BRIP1: variants seen among roughly 807,000 people sequenced by gnomAD.
BRIP1 encodes the protein BRCA1 interacting DNA helicase 1.
In BRIP1, 88 loss-of-function variants were observed where a neutral mutation model predicts 119.7. That is an observed-to-expected ratio of 0.74 (90% CI 0.62 to 0.88). The LOEUF (loss-of-function observed/expected upper bound fraction) is 0.88, where lower values mean the gene tolerates loss of function less well. Among genes scored for constraint, BRIP1 ranks in the 40% least tolerant of loss-of-function variants. The pLI is 0.00. For missense variants in BRIP1, 1,259 were observed against 1,455.4 expected (o/e 0.87, Z 2.20); for synonymous variants, 443 against 496.5 (o/e 0.89, Z 1.43).
At position 61,693,577 on chromosome 17, in the gene BRIP1, G is replaced by T; in HGVS notation, c.2493-65C>A. On this transcript the variant is annotated intron_variant, in intron 17 of 19. Coordinates refer to ENST00000259008, the MANE Select transcript of BRIP1 (RefSeq NM_032043.3). The surrounding 1 kb of genome is among the most constrained non-coding windows in gnomAD (Gnocchi z 4.2). ...GGAAATAAATCCAGTTTTCCAGTGG[G>T]ACAGACAGAAAATTGGAAAAAAATC... 7.3e-7 allele frequency: 1 copy of T among 1,369,776 alleles called. No homozygotes were observed. The highest frequency in any genetic ancestry group is 1.0e-6 in the Non-Finnish European group (1 of 963,046). The allele number at this position is 1,369,776 out of a possible 1,614,324, so 84.9% of individuals were successfully genotyped here.
rs1042696940 is a variant in BRIP1 at position 61,842,324 on chromosome 17, A to G, written c.627+4777T>C. Among the ~76,000 whole-genome samples the G allele has an allele frequency of 6.6e-5, 10 of 152,284 alleles. No individual in the cohort carries two copies. Among genetic ancestry groups the G allele is most frequent in the African/African-American group, 2.4e-4 (10 of 41,570 alleles). On this transcript the variant is annotated intron_variant, in intron 6 of 19. Transcript: ENST00000259008. The surrounding 1 kb of genome is among the most constrained non-coding windows in gnomAD (Gnocchi z 5.1). ...TAAGGAGAGGTGGGTTTACAAATTCATAACTACAGCTAGATTGGAGAAACA... is the reference window on the plus strand; with the variant it reads ...TAAGGAGAGGTGGGTTTACAAATTCGTAACTACAGCTAGATTGGAGAAACA...
At position 61,810,387 on chromosome 17, in the gene BRIP1, T is replaced by C. The variant is rs1386626225; in HGVS notation, c.628-1630A>G. ...TTATATCATGATATTTCTGACTGAA[T>C]TCTTTTTGGCTTTTGCAATGATCAC... On this transcript the variant is annotated intron_variant, in intron 6 of 19. Coordinates refer to ENST00000259008, the MANE Select transcript of BRIP1 (RefSeq NM_032043.3). This position sits in a 1 kb window ranked among gnomAD's most constrained non-coding sequence, Gnocchi z 4.7. Among the ~76,000 whole-genome samples the C allele has an allele frequency of 6.6e-6, 1 of 152,220 alleles. No homozygotes were observed. The highest frequency in any genetic ancestry group is 1.9e-4 in the East Asian group (1 of 5,200).
rs2078212793 is a variant in BRIP1, at chr17:61,814,819, A to T, written c.628-6062T>A. Among the ~76,000 whole-genome samples, 1 of 152,076 alleles carries T rather than the reference A, an allele frequency of 6.6e-6. No homozygotes were observed. Among genetic ancestry groups the T allele is most frequent in the Non-Finnish European group, 1.5e-5 (1 of 67,952 alleles). ...AGAAAAACAAGCTACATGTATCAAC[A>T]GAAGGAATGGATGAGTAAATTGTGG... On this transcript the variant is annotated intron_variant, in intron 6 of 19. Coordinates refer to ENST00000259008, the MANE Select transcript of BRIP1 (RefSeq NM_032043.3). The surrounding 1 kb of genome is among the most constrained non-coding windows in gnomAD (Gnocchi z 4.9).
chr17:61,855,578 C>CA lies in BRIP1; in HGVS notation c.379+1479dup, dbSNP rs200850712. ...TGGGCAACAGAGTGAGATTCTGTCT[C>CA]AAAAAAAAAAAAAAAAAAAGTACCA... On this transcript the variant is annotated intron_variant, in intron 4 of 19. Coordinates refer to ENST00000259008, the MANE Select transcript of BRIP1 (RefSeq NM_032043.3). Among the ~76,000 whole-genome samples, 425 of 99,234 alleles carry CA rather than the reference C, an allele frequency of 4.3e-3. 1 individual carries two copies. The highest frequency in any genetic ancestry group is 0.013 in the African/African-American group (351 of 26,574). 65.1% of individuals were successfully genotyped at this position (99,234 alleles called of 152,430 possible). A position where few individuals can be genotyped will look rare whatever the true frequency, so the allele number is the denominator to read the frequency against.
chr17:61,683,273 C>A lies in BRIP1; in HGVS notation c.*23G>T, dbSNP rs917180196. On this transcript the variant is annotated 3_prime_UTR_variant, in exon 20 of 20. Coordinates refer to ENST00000259008, the MANE Select transcript of BRIP1 (RefSeq NM_032043.3). This position sits in a 1 kb window ranked among gnomAD's most constrained non-coding sequence, Gnocchi z 4.7. ...ACATAAGCATGATGACATATTTTTACTTAGCTTGAGAGTTAAGTATTATTA... is the reference window on the plus strand; with the variant it reads ...ACATAAGCATGATGACATATTTTTAATTAGCTTGAGAGTTAAGTATTATTA... 15 of 1,595,680 alleles carry A rather than the reference C, an allele frequency of 9.4e-6. No homozygotes were observed. Among genetic ancestry groups the A allele is most frequent in the Non-Finnish European group, 1.3e-5 (15 of 1,165,790 alleles).
intron 6 of BRIP1, among the ~76,000 whole-genome samples, chr17:61,838,040 C>T (rs2078600458): frequency 6.6e-6 from 1 of 152,096 alleles, no homozygotes; most frequent in Non-Finnish European, 1.5e-5. Context: ...CAGAAATCAT[C>T]AAACTAATTT....
rs2078231826 is a variant in BRIP1, at chr17:61,816,051, C to G, written c.628-7294G>C. On this transcript the variant is annotated intron_variant, in intron 6 of 19. Coordinates refer to ENST00000259008, the MANE Select transcript of BRIP1 (RefSeq NM_032043.3). The surrounding 1 kb of genome is among the most constrained non-coding windows in gnomAD (Gnocchi z 5.0). Reference sequence around the variant, plus strand: ...TAGTAGTACCCTACTGCCACCGTTTCATGATTAGACTGCACAAAGCAGCTG... The same window carrying G: ...TAGTAGTACCCTACTGCCACCGTTTGATGATTAGACTGCACAAAGCAGCTG... 6.6e-6 allele frequency among the ~76,000 whole-genome samples: 1 copy of G among 152,176 alleles called. No homozygotes were observed. Among genetic ancestry groups the G allele is most frequent in the South Asian group, 2.1e-4 (1 of 4,836 alleles).
rs2076947197 is a variant in BRIP1 at position 61,738,478 on chromosome 17, GC to G, written c.2379+4534del. On this transcript the variant is annotated intron_variant, in intron 16 of 19. Transcript: ENST00000259008. The surrounding 1 kb of genome is among the most constrained non-coding windows in gnomAD (Gnocchi z 4.2). ...TCCCCTCTACCCAGAACCCATTGAT[GC>G]TTCTGTTATTTTGCTGTTTTATGCA... Among the ~76,000 whole-genome samples, 4 of 152,044 alleles carry G rather than the reference GC, an allele frequency of 2.6e-5. No homozygotes were observed. The highest frequency in any genetic ancestry group is 5.9e-5 in the Non-Finnish European group (4 of 68,000).
At position 61,798,948 on chromosome 17, in the gene BRIP1, A is replaced by C; in HGVS notation, c.1340+152T>G. The C allele has an allele frequency of 2.8e-6, 2 of 708,256 alleles. No individual in the cohort carries two copies. The highest frequency in any genetic ancestry group is 4.9e-6 in the Non-Finnish European group (2 of 406,608). The allele number at this position is 708,256 out of a possible 1,614,324, so 43.9% of individuals were successfully genotyped here. A position where few individuals can be genotyped will look rare whatever the true frequency, so the allele number is the denominator to read the frequency against. ...TGTGAACAAGACAAAAGGTTGGACTAGCCTTGTTTTTAAAGCTTAACTGGC... is the reference window on the plus strand; with the variant it reads ...TGTGAACAAGACAAAAGGTTGGACTCGCCTTGTTTTTAAAGCTTAACTGGC... On this transcript the variant is annotated intron_variant, in intron 9 of 19. Coordinates refer to ENST00000259008, the MANE Select transcript of BRIP1 (RefSeq NM_032043.3). This position sits in a 1 kb window ranked among gnomAD's most constrained non-coding sequence, Gnocchi z 5.5.
In BRIP1 at chr17:61,757,838, A is replaced by G. The variant is rs2077220613; in HGVS notation, c.2098-13247T>C. On this transcript the variant is annotated intron_variant, in intron 14 of 19. Transcript: ENST00000259008. The surrounding 1 kb of genome is among the most constrained non-coding windows in gnomAD (Gnocchi z 4.3). Reference sequence around the variant, plus strand: ...AACATGGCTAAACCCCATCTCTACAAAAAAAATAACTGGGCATGGTGGTAT... The same window carrying G: ...AACATGGCTAAACCCCATCTCTACAGAAAAAATAACTGGGCATGGTGGTAT... 6.6e-6 allele frequency among the ~76,000 whole-genome samples: 1 copy of G among 151,822 alleles called. No individual in the cohort carries two copies. Among genetic ancestry groups the G allele is most frequent in the South Asian group, 2.1e-4 (1 of 4,824 alleles).
Position 61,861,790 on chromosome 17 carries a change from A to G in BRIP1, c.-30-221T>C, listed in dbSNP as rs756100576. 9.1e-6 allele frequency: 5 copies of G among 551,822 alleles called. No individual in the cohort carries two copies. The Admixed American group carries it at 9.3e-5, about 10-fold the overall frequency. 34.2% of individuals were successfully genotyped at this position (551,822 alleles called of 1,614,324 possible). Reference sequence around the variant, plus strand: ...ATTTGTATCCTTCACTCTGCCAGGTATTAGTTGTGTGACTTCGGGAAAGTT... The same window carrying G: ...ATTTGTATCCTTCACTCTGCCAGGTGTTAGTTGTGTGACTTCGGGAAAGTT... On this transcript the variant is annotated intron_variant, in intron 1 of 19. Transcript: ENST00000259008. The surrounding 1 kb of genome is among the most constrained non-coding windows in gnomAD (Gnocchi z 4.5).
At chr17:61,782,388 G>GAAAAA (rs10661242) in intron 11 of BRIP1, among the ~76,000 whole-genome samples, 2 of 113,010 alleles carry the variant, frequency 1.8e-5, no homozygotes, top group Admixed American at 1.1e-4. Flanking sequence ...TCCCGTCTCA[G>GAAAAA]AAAAAAAAAA....
At position 61,845,726 on chromosome 17, in the gene BRIP1, G is replaced by A. The variant is rs76074492; in HGVS notation, c.627+1375C>T. 3.7e-3 allele frequency among the ~76,000 whole-genome samples: 569 copies of A among 152,208 alleles called. 2 individuals carry two copies. Among genetic ancestry groups the A allele is most frequent in the African/African-American group, 0.012 (503 of 41,502 alleles). On this transcript the variant is annotated intron_variant, in intron 6 of 19. Coordinates refer to ENST00000259008, the MANE Select transcript of BRIP1 (RefSeq NM_032043.3). The surrounding 1 kb of genome is among the most constrained non-coding windows in gnomAD (Gnocchi z 4.2). ...TCACAATCCAAACTATCCTACAGGC[G>A]CTTCTCCCCAGGACATCCATCCTGC...
At position 61,720,659 on chromosome 17, in the gene BRIP1, C is replaced by T. The variant is rs2061958189; in HGVS notation, c.2380-4596G>A. On this transcript the variant is annotated intron_variant, in intron 16 of 19. Transcript: ENST00000259008. The surrounding 1 kb of genome is among the most constrained non-coding windows in gnomAD (Gnocchi z 4.3). ...GAATCATCCCTTTGTCCAGTATATC[C>T]ATGCTGTACATACTACCCACCAGCA... is the stretch of plus-strand genomic sequence containing the variant. Among the ~76,000 whole-genome samples, 1 of 152,182 alleles carries T rather than the reference C, an allele frequency of 6.6e-6. No individual in the cohort carries two copies. The highest frequency in any genetic ancestry group is 2.4e-5 in the African/African-American group (1 of 41,442).
Position 61,693,523 on chromosome 17 carries a change from T to C in BRIP1, c.2493-11A>G, listed in dbSNP as rs890923836. 5.6e-6 allele frequency: 9 copies of C among 1,598,582 alleles called. No individual in the cohort carries two copies. The Admixed American group carries it at 1.2e-4, about 21-fold the overall frequency. ...CTGTGTCTAATACATCTAGAAAAAA[T>C]AGGGAAAAAGTCAAATAATTATAAC... On this transcript the variant is annotated splice_polypyrimidine_tract_variant and intron_variant, in intron 17 of 19. Transcript: ENST00000259008. This position sits in a 1 kb window ranked among gnomAD's most constrained non-coding sequence, Gnocchi z 4.2.
rs2061960149 is a variant in BRIP1, at chr17:61,720,794, C to G, written c.2380-4731G>C. Among the ~76,000 whole-genome samples the G allele has an allele frequency of 6.6e-6, 1 of 152,126 alleles. No individual in the cohort carries two copies. The highest frequency in any genetic ancestry group is 2.1e-4 in the South Asian group (1 of 4,828). ...TAATAATACTTTACTAAATTGTAAA[C>G]CTACTCAAGAAAAAACAAAGTATTT... On this transcript the variant is annotated intron_variant, in intron 16 of 19. Transcript: ENST00000259008. This position sits in a 1 kb window ranked among gnomAD's most constrained non-coding sequence, Gnocchi z 4.3.
In BRIP1 at chr17:61,744,453, T is replaced by C. The variant is rs111536363; in HGVS notation, c.2236A>G (p.Ile746Val). 1,241 of 1,613,952 alleles carry C rather than the reference T, an allele frequency of 7.7e-4. 12 individuals are homozygous for C. In the African/African-American group the frequency reaches 0.015, roughly 19 times the overall value. Residue 746 changes from isoleucine to valine, a missense_variant, in exon 15 of 20, where the codon ATC becomes GTC. Ile to Val is a conservative substitution (Grantham distance 29, BLOSUM62 3). Around this residue, in one of 3 missense-constraint regions of BRIP1, gnomAD observed 753 missense variants for 891.8 expected, o/e 0.84. Coordinates refer to ENST00000259008, the MANE Select transcript of BRIP1 (RefSeq NM_032043.3). This position sits in a 1 kb window ranked among gnomAD's most constrained non-coding sequence, Gnocchi z 5.0. ...TTACCTTTCTCTCCTTTGTATTTGA[T>C]TGCGTCATAGTACACCTGCAGTAAT... The part of the protein sequence containing the change: ...DELLQVYYDA[I>V]KYKGEKDGAL...
chr17:61,799,724 A>C lies in BRIP1; in HGVS notation c.1141-425T>G, dbSNP rs111971165. On this transcript the variant is annotated intron_variant, in intron 8 of 19. Coordinates refer to ENST00000259008, the MANE Select transcript of BRIP1 (RefSeq NM_032043.3). This position sits in a 1 kb window ranked among gnomAD's most constrained non-coding sequence, Gnocchi z 5.1. The stretch of plus-strand genomic sequence containing the variant: ...AAAAGTAAAATAACAATACAAGATT[A>C]AAAGCATAAAACCTTTAAAAGTAAA... 1.6e-4 allele frequency among the ~76,000 whole-genome samples: 25 copies of C among 152,306 alleles called. No homozygotes were observed. Among genetic ancestry groups the C allele is most frequent in the African/African-American group, 5.3e-4 (22 of 41,572 alleles).
Position 61,745,193 on chromosome 17 carries a change from A to G in BRIP1, c.2098-602T>C, listed in dbSNP as rs751256771. Among the ~76,000 whole-genome samples the G allele has an allele frequency of 6.6e-6, 1 of 152,222 alleles. No homozygotes were observed. Among genetic ancestry groups the G allele is most frequent in the Non-Finnish European group, 1.5e-5 (1 of 68,026 alleles). On this transcript the variant is annotated intron_variant, in intron 14 of 19. Transcript: ENST00000259008. The surrounding 1 kb of genome is among the most constrained non-coding windows in gnomAD (Gnocchi z 4.4). ...GACTCAGCCAAGAAGTAGAAAATAT[A>G]TGGGCACAAATGGAACATTTACAGC...
Sources: allele counts gnomAD v4.1 joint callset (sites outside exome capture counted in the v4.1 genomes callset), GRCh38; gene constraint gnomAD v4.1.1; regional missense constraint gnomAD v4.1.1; non-coding constraint Gnocchi (gnomAD v3.1); transcripts MANE v1.5; gene names NCBI Gene and HGNC (gene_info 2026-07-23, HGNC 2026-07-21).